Variants in ATP11C observed in about 807,000 individuals in gnomAD.
ATP11C encodes the protein phospholipid-transporting ATPase IG.
A neutral mutation model predicts 97.4 loss-of-function variants in ATP11C; 36 were observed. The ratio of observed to expected loss-of-function variants is 0.37; its 90% CI spans 0.28 to 0.49. ATP11C has a LOEUF of 0.49. ATP11C is among the 20% of genes least tolerant of loss of function. The probability of loss-of-function intolerance (pLI) is 0.98; values close to 1 mark genes in which losing one functional copy is unlikely to be tolerated. For synonymous variants in ATP11C, 275 were observed against 290.9 expected (o/e 0.95, Z 0.56); for missense variants, 730 against 824.6 (o/e 0.89, Z 1.40).
intron 19 of ATP11C, 48 bp from the exon 20 acceptor site, chrX:139,768,482 T>C (rs1241180763): frequency 1.0e-6 from 1 of 964,928 alleles, no homozygotes. Context: ...CAGATTTCTG[T>C]TTAGGATCCA....
chrX:139,930,363 TAAAAA>T lies in ATP11C; in HGVS notation c.27+1648_27+1652del, dbSNP rs113839593. ...GTTCGGTTTCAAATGTTCAAATCCT[TAAAAA>T]AAAAAAAAAAGGATTTCAACAACTT... is the stretch of plus-strand genomic sequence containing the variant. On this transcript the variant is annotated intron_variant, in intron 1 of 29. Transcript: ENST00000682941. Among the ~76,000 whole-genome samples the T allele has an allele frequency of 2.1e-4, 20 of 94,448 alleles. No individual in the cohort carries two copies. In the Admixed American group the frequency reaches 2.3e-3, roughly 11 times the overall value. The allele number at this position is 94,448 out of a possible 115,157, so 82.0% of individuals were successfully genotyped here.
In ATP11C at chrX:139,736,213, T is replaced by A. The variant is rs1812767892; in HGVS notation, c.3288+1703A>T. On this transcript the variant is annotated intron_variant, in intron 28 of 29. Coordinates refer to ENST00000682941, the MANE Select transcript of ATP11C (RefSeq NM_001353812.2). ...GTTCTAAGTCTTTATCTGTGACTGC[T>A]TAGTAGCATCCCACAATTTAATGGT... Among the ~76,000 whole-genome samples, 3 of 112,174 alleles carry A rather than the reference T, an allele frequency of 2.7e-5. No homozygotes were observed. The Admixed American group carries it at 2.8e-4, about 11-fold the overall frequency.
chrX:139,792,305 C>T (rs2082706382), intron 12 of ATP11C, among the ~76,000 whole-genome samples: 1 of 111,225 alleles, frequency 9.0e-6, no homozygotes, highest in African/African-American at 3.3e-5. Flanking sequence ...ACGCCCCTTC[C>T]CCCATACTTC....
intron 28 of ATP11C, among the ~76,000 whole-genome samples, chrX:139,732,055 T>C (rs932647925): frequency 6.3e-5 from 7 of 111,166 alleles, no homozygotes; most frequent in African/African-American, 2.0e-4. Context: ...GATGAGTCAA[T>C]ATGGTTTGAT....
At chrX:139,919,492 C>T (rs1406741067) in intron 1 of ATP11C, among the ~76,000 whole-genome samples, 1 of 99,692 alleles carries the variant, frequency 1.0e-5, no homozygotes, top group African/African-American at 3.7e-5. Context: ...CACACACACA[C>T]AAACTACTTA....
intron 16 of ATP11C, among the ~76,000 whole-genome samples, chrX:139,784,186 G>A (rs2082524968): frequency 8.9e-6 from 1 of 111,877 alleles, no homozygotes; most frequent in African/African-American, 3.3e-5. Context: ...GACCTTTGTA[G>A]ACCAGTTCCA....
chrX:139,917,182 T>A (rs2085167447), intron 1 of ATP11C, among the ~76,000 whole-genome samples: 1 of 111,532 alleles, frequency 9.0e-6, no homozygotes, highest in Admixed American at 9.6e-5. Context: ...AAGATCTACA[T>A]GTAAGACTTA....
chrX:139,798,788 T>G (rs368099032), intron 8 of ATP11C, 45 bp from the exon 9 acceptor site: 4 of 1,047,869 alleles, frequency 3.8e-6, no homozygotes, highest in Non-Finnish European at 5.3e-6. Context: ...GCCAATAGCA[T>G]CAACAACTCT....
At chrX:139,870,675 G>A (rs1459554377) in intron 1 of ATP11C, among the ~76,000 whole-genome samples, 1 of 112,387 alleles carries the variant, frequency 8.9e-6, no homozygotes, top group Non-Finnish European at 1.9e-5. Flanking sequence ...GAGTAGCTAC[G>A]TAAATACCCA....
chrX:139,879,787 C>A (rs1183033601), intron 1 of ATP11C, among the ~76,000 whole-genome samples: 1 of 111,989 alleles, frequency 8.9e-6, no homozygotes, highest in Non-Finnish European at 1.9e-5. Flanking sequence ...ATAGAGGCAA[C>A]TGGATGCAGC....
rs1245214221 is a variant in ATP11C, at chrX:139,860,104, C to CAA, written c.28-33283_28-33282dup. On this transcript the variant is annotated intron_variant, in intron 1 of 29. Coordinates refer to ENST00000682941, the MANE Select transcript of ATP11C (RefSeq NM_001353812.2). ...TGGGCGACAGAGCGAGACTCCGTCT[C>CAA]AAAAAAAAAAAAAAAAAAAAAAGAA... Among the ~76,000 whole-genome samples the CAA allele has an allele frequency of 7.1e-3, 140 of 19,855 alleles. 2 individuals are homozygous for CAA. The highest frequency in any genetic ancestry group is 0.026 in the Middle Eastern group (1 of 39). 17.2% of individuals were successfully genotyped at this position (19,855 alleles called of 115,157 possible).
chrX:139,887,632 GACAAC>G (rs1243834359), intron 1 of ATP11C, among the ~76,000 whole-genome samples: 1 of 109,323 alleles, frequency 9.1e-6, no homozygotes, highest in Non-Finnish European at 1.9e-5. Flanking sequence ...GAAAAAAACA[GACAAC>G]ACAAGACTGA....
intron 18 of ATP11C, among the ~76,000 whole-genome samples, chrX:139,782,283 C>T (rs1265001148): frequency 1.6e-4 from 17 of 105,820 alleles, no homozygotes; most frequent in Admixed American, 1.0e-3. Flanking sequence ...GCCAAGACCG[C>T]GCCACTGCAC....
intron 1 of ATP11C, among the ~76,000 whole-genome samples, chrX:139,872,900 A>G (rs992042243): frequency 8.0e-5 from 9 of 112,194 alleles, no homozygotes; most frequent in African/African-American, 2.9e-4. Flanking sequence ...TTATTTTCCA[A>G]AGAAACTGCT....
At chrX:139,869,709 G>A (rs981229740) in intron 1 of ATP11C, among the ~76,000 whole-genome samples, 26 of 106,028 alleles carry the variant, frequency 2.5e-4, no homozygotes, top group African/African-American at 6.1e-4. Context: ...CACAAGAATC[G>A]CTTGAACCTG....
Position 139,921,293 on chromosome X carries a change from T to C in ATP11C, c.27+10723A>G, listed in dbSNP as rs940634671. On this transcript the variant is annotated intron_variant, in intron 1 of 29. Coordinates refer to ENST00000682941, the MANE Select transcript of ATP11C (RefSeq NM_001353812.2). ...GAGAGACCAGGTGGAGGCAACTGAA[T>C]CATGGGGGTGGTTTTCCCCATGTTC... Among the ~76,000 whole-genome samples, 5 of 111,277 alleles carry C rather than the reference T, an allele frequency of 4.5e-5. No homozygotes were observed. The Admixed American group carries it at 4.8e-4, about 11-fold the overall frequency.
At chrX:139,740,757 C>T (rs1027187871) in intron 27 of ATP11C, among the ~76,000 whole-genome samples, 22 of 111,055 alleles carry the variant, frequency 2.0e-4, no homozygotes, top group Admixed American at 1.8e-3. Flanking sequence ...ACAGAAGCTA[C>T]CAAAGGGAGG....
upstream of ATP11C, among the ~76,000 whole-genome samples, chrX:139,935,552 C>A (rs778089196): frequency 2.7e-5 from 3 of 110,964 alleles, no homozygotes; most frequent in East Asian, 8.5e-4. Flanking sequence ...GCCTGGGTGA[C>A]AAGAGCAAAA....
intron 5 of ATP11C, among the ~76,000 whole-genome samples, chrX:139,813,109 G>A: frequency 8.9e-6 from 1 of 111,998 alleles, no homozygotes; most frequent in East Asian, 2.8e-4. Flanking sequence ...CTTTAAAAAT[G>A]GGCAAAATCT....
Sources: allele counts gnomAD v4.1 joint callset (sites outside exome capture counted in the v4.1 genomes callset), GRCh38; gene constraint gnomAD v4.1.1; transcripts MANE v1.5; gene names NCBI Gene and HGNC (gene_info 2026-07-23, HGNC 2026-07-21).